POLR2M: variants seen among roughly 807,000 people sequenced by gnomAD.
POLR2M encodes the protein RNA polymerase II subunit M, also known as protein GRINL1A.
POLR2M carries 30 observed loss-of-function variants against 34.6 expected under a neutral mutation model. That is an observed-to-expected ratio of 0.87 (90% CI 0.65 to 1.18). POLR2M has a LOEUF of 1.18. Ranked by LOEUF, POLR2M falls within the 50% of genes most tolerant of loss-of-function variation. POLR2M has a pLI of 0.00. For missense variants in POLR2M, 432 were observed against 448.7 expected (o/e 0.96, Z 0.34); for synonymous variants, 150 against 166.7 (o/e 0.90, Z 0.77).
chr15:57,709,442 G>T, intron 2 of POLR2M, 84 bp downstream of exon 2: 3 of 1,489,922 alleles, frequency 2.0e-6, no homozygotes, highest in Middle Eastern at 1.8e-4. Flanking sequence ...GTGTGGTGGT[G>T]CTTGCCTGTA....
chr15:57,713,843 TTTTTTTTTTTTTTTTTGA>T, intron 3 of POLR2M, among the ~76,000 whole-genome samples: 1 of 108,668 alleles, frequency 9.2e-6, no homozygotes, highest in South Asian at 3.2e-4. Context: ...TTTTTTTTTT[TTTTTTTTTTTTTTTTTGA>T]GACGGAGTCT....
intron 1 of POLR2M, among the ~76,000 whole-genome samples, chr15:57,708,069 A>T (rs2040563605): frequency 2.0e-5 from 3 of 152,242 alleles, no homozygotes; most frequent in Admixed American, 2.0e-4. Context: ...ATAGGTTTTG[A>T]ATGTATAGCA....
rs1299235632 is a variant in POLR2M at position 57,709,028 on chromosome 15, C to G, written c.428C>G (p.Thr143Ser). The change falls in exon 2 of 4, where the codon ACT (threonine) becomes AGT (serine). Residue 143 changes from threonine to serine, a missense_variant. Thr to Ser is a moderately conservative substitution (Grantham distance 58, BLOSUM62 1). Transcript: ENST00000299638. The stretch of plus-strand genomic sequence containing the variant: ...CCTACTCTTGAAGGTGATGAAGAGA[C>G]TTCAGAGGTTGAGTACACAGTGAAT... ...GRPTLEGDEE[T>S]SEVEYTVNKG... 17 of 1,613,888 alleles carry G rather than the reference C, an allele frequency of 1.1e-5. No individual in the cohort carries two copies. The highest frequency in any genetic ancestry group is 1.4e-5 in the Non-Finnish European group (17 of 1,179,944).
chr15:57,714,944 G>A lies in POLR2M; in HGVS notation c.*265G>A. ...TGGTCTGATATTTTAGTATATAGTA[G>A]AACATACTTTTTTTTTCTTTAAGCC... On this transcript the variant is annotated 3_prime_UTR_variant, in exon 4 of 4. Coordinates refer to ENST00000299638, the MANE Select transcript of POLR2M (RefSeq NM_015532.5). The A allele has an allele frequency of 2.7e-6, 1 of 365,666 alleles. No individual in the cohort carries two copies. The highest frequency in any genetic ancestry group is 5.5e-5 in the East Asian group (1 of 18,056). 22.7% of individuals were successfully genotyped at this position (365,666 alleles called of 1,614,324 possible).
Position 57,716,908 on chromosome 15 carries a change from A to C in POLR2M, c.*2229A>C, listed in dbSNP as rs2040969475. 1 of 152,134 alleles carries C rather than the reference A, an allele frequency of 6.6e-6. No homozygotes were observed. The highest frequency in any genetic ancestry group is 1.5e-5 in the Non-Finnish European group (1 of 68,022). The allele number at this position is 152,134 out of a possible 1,614,324, so 9.4% of individuals were successfully genotyped here. A position where few individuals can be genotyped will look rare whatever the true frequency, so the allele number is the denominator to read the frequency against. On this transcript the variant is annotated 3_prime_UTR_variant, in exon 4 of 4. Coordinates refer to ENST00000299638, the MANE Select transcript of POLR2M (RefSeq NM_015532.5). Reference sequence around the variant, plus strand: ...TGGATAAATGTCCTTATTTTCTTCTAGTATTTTCTTATTTCACTTTTACAC... The same window carrying C: ...TGGATAAATGTCCTTATTTTCTTCTCGTATTTTCTTATTTCACTTTTACAC...
At position 57,710,071 on chromosome 15, in the gene POLR2M, A is replaced by C. The variant is rs140684280; in HGVS notation, c.758+713A>C. On this transcript the variant is annotated intron_variant, in intron 2 of 3. Coordinates refer to ENST00000299638, the MANE Select transcript of POLR2M (RefSeq NM_015532.5). ...GTATACATGTGTAATGTAATACAAT[A>C]CCATGTTCTTCAAGGAGTTTAAGAG... Among the ~76,000 whole-genome samples, 39 of 152,350 alleles carry C rather than the reference A, an allele frequency of 2.6e-4. No homozygotes were observed. In the East Asian group the frequency reaches 6.9e-3, roughly 27 times the overall value.
chr15:57,707,375 A>T, intron 1 of POLR2M: 1 of 697,552 alleles, frequency 1.4e-6, no homozygotes, highest in South Asian at 1.5e-5. Flanking sequence ...AGAGGGGTTT[A>T]TTAGGCCGGG....
chr15:57,713,001 G>A (rs780117199), intron 3 of POLR2M, among the ~76,000 whole-genome samples: 2 of 152,108 alleles, frequency 1.3e-5, no homozygotes, highest in African/African-American at 2.4e-5. Context: ...AGGAGTTCGA[G>A]ACCAGCGTGG....
rs1262537315 is a variant in POLR2M at position 57,717,239 on chromosome 15, A to G, written c.*2560A>G. ...ATAATTATCGCTTTAATTGGTGTTA[A>G]TATTTGGTAGTACACAGGTTCTCCC... On this transcript the variant is annotated 3_prime_UTR_variant, in exon 4 of 4. Transcript: ENST00000299638. 6.6e-6 allele frequency: 1 copy of G among 152,166 alleles called. No homozygotes were observed. The highest frequency in any genetic ancestry group is 1.5e-5 in the Non-Finnish European group (1 of 68,024). The allele number at this position is 152,166 out of a possible 1,614,324, so 9.4% of individuals were successfully genotyped here.
At position 57,712,096 on chromosome 15, in the gene POLR2M, G is replaced by C. The variant is rs752957846; in HGVS notation, c.871G>C (p.Ala291Pro). 1.2e-6 allele frequency: 2 copies of C among 1,614,132 alleles called. No individual in the cohort carries two copies. ...DKQHLDDITAARLLPLHHMPT... is the reference protein window; with the variant it reads ...DKQHLDDITAPRLLPLHHMPT... ...GCAGCATCTTGATGACATCACAGCA[G>C]CTCGGCTTCTACCACTTCACCATAT... Residue 291 changes from alanine to proline, a missense_variant, in exon 3 of 4, where the codon GCT becomes CCT. By Grantham distance (27) the Ala-to-Pro change is conservative. Coordinates refer to ENST00000299638, the MANE Select transcript of POLR2M (RefSeq NM_015532.5).
At chr15:57,709,774 G>A (rs2040638013) in intron 2 of POLR2M, among the ~76,000 whole-genome samples, 1 of 152,108 alleles carries the variant, frequency 6.6e-6, no homozygotes, top group East Asian at 1.9e-4. Context: ...ACACAGAGTT[G>A]GAGAGAATTT....
In POLR2M at chr15:57,706,743, C is replaced by G; in HGVS notation, c.-100C>G. The G allele has an allele frequency of 7.4e-7, 1 of 1,347,838 alleles. No homozygotes were observed. Among genetic ancestry groups the G allele is most frequent in the Non-Finnish European group, 1.0e-6 (1 of 991,010 alleles). 83.5% of individuals were successfully genotyped at this position (1,347,838 alleles called of 1,614,324 possible). ...TTCCGGGAAAATGGCGACTCCCGCT[C>G]GTGCCCCGGAGTCACCGCCGTCCGC... is the stretch of plus-strand genomic sequence containing the variant. On this transcript the variant is annotated 5_prime_UTR_variant, in exon 1 of 4. Coordinates refer to ENST00000299638, the MANE Select transcript of POLR2M (RefSeq NM_015532.5).
chr15:57,714,811 A>G lies in POLR2M; in HGVS notation c.*132A>G. 7.0e-7 allele frequency: 1 copy of G among 1,434,312 alleles called. No homozygotes were observed. The highest frequency in any genetic ancestry group is 1.4e-5 in the African/African-American group (1 of 68,982). 88.8% of individuals were successfully genotyped at this position (1,434,312 alleles called of 1,614,324 possible). On this transcript the variant is annotated 3_prime_UTR_variant, in exon 4 of 4. Coordinates refer to ENST00000299638, the MANE Select transcript of POLR2M (RefSeq NM_015532.5). ...AAGTTACACAAAGGTAGTTATAAAA[A>G]AAGCCCAGTTTGTCTTTCAGAAGGT...
In POLR2M at chr15:57,711,996, A is replaced by G. The variant is rs763997189; in HGVS notation, c.771A>G (p.Arg257=). 3.1e-6 allele frequency: 5 copies of G among 1,614,002 alleles called. No individual in the cohort carries two copies. In the East Asian group the frequency reaches 1.1e-4, roughly 36 times the overall value. ...RKFKTNVLPF[R]QNDSSSHCQK... ...TTCCTTTCATCAGGTTACCTTTTCG[A>G]CAAAATGATTCATCTAGTCATTGCC... The change falls in exon 3 of 4, where the codon CGA becomes CGG. Residue 257 remains arginine, a synonymous_variant. Transcript: ENST00000299638.
At chr15:57,709,448 C>A in intron 2 of POLR2M, 90 bp downstream of exon 2, 8 of 1,462,654 alleles carry the variant, frequency 5.5e-6, no homozygotes, top group Non-Finnish European at 7.4e-6. Flanking sequence ...TGGTGCTTGC[C>A]TGTAGTCCCA....
chr15:57,715,552 T>C lies in POLR2M; in HGVS notation c.*873T>C, dbSNP rs1176577538. On this transcript the variant is annotated 3_prime_UTR_variant, in exon 4 of 4. Transcript: ENST00000299638. ...CTTGCTGTCACAGATGATAGGTTCATGTACACAACATTAATGTTTGATAAG... is the reference window on the plus strand; with the variant it reads ...CTTGCTGTCACAGATGATAGGTTCACGTACACAACATTAATGTTTGATAAG... 1 of 152,202 alleles carries C rather than the reference T, an allele frequency of 6.6e-6. No individual in the cohort carries two copies. Among genetic ancestry groups the C allele is most frequent in the Non-Finnish European group, 1.5e-5 (1 of 68,034 alleles). The allele number at this position is 152,202 out of a possible 1,614,324, so 9.4% of individuals were successfully genotyped here.
At chr15:57,712,904 A>G (rs1387548593) in intron 3 of POLR2M, among the ~76,000 whole-genome samples, 2 of 152,186 alleles carry the variant, frequency 1.3e-5, no homozygotes, top group Non-Finnish European at 2.9e-5. Flanking sequence ...CTCCAGGAGA[A>G]CAGTATCCTG....
chr15:57,709,169 A>G lies in POLR2M; in HGVS notation c.569A>G (p.Asn190Ser), dbSNP rs757935023. Residue 190 changes from asparagine to serine, a missense_variant, in exon 2 of 4, where the codon AAC (asparagine) becomes AGC (serine). Physicochemically the swap from Asn to Ser is conservative, Grantham distance 46. Coordinates refer to ENST00000299638, the MANE Select transcript of POLR2M (RefSeq NM_015532.5). ...QAEDTSSSFDNLFIDRLQRIT... is the reference protein window; with the variant it reads ...QAEDTSSSFDSLFIDRLQRIT... ...GAAGATACTTCCAGCAGCTTTGACA[A>G]CCTGTTTATTGACAGGTTACAGAGG... is the stretch of plus-strand genomic sequence containing the variant. 9.9e-6 allele frequency: 16 copies of G among 1,614,206 alleles called. No individual in the cohort carries two copies. The highest frequency in any genetic ancestry group is 1.6e-4 in the Middle Eastern group (1 of 6,062).
chr15:57,716,071 C>T lies in POLR2M; in HGVS notation c.*1392C>T, dbSNP rs1174610406. 6.6e-6 allele frequency: 1 copy of T among 152,292 alleles called. No individual in the cohort carries two copies. The highest frequency in any genetic ancestry group is 1.5e-5 in the Non-Finnish European group (1 of 68,060). 9.4% of individuals were successfully genotyped at this position (152,292 alleles called of 1,614,324 possible). ...AGTTCATGTGCCTGGACACACAGTT[C>T]CCTGTAATCCTGCCATCTAGGGAGA... On this transcript the variant is annotated 3_prime_UTR_variant, in exon 4 of 4. Transcript: ENST00000299638.
Sources: gnomAD v4.1 joint callset for allele counts (sites outside exome capture counted in the v4.1 genomes callset) on GRCh38, gnomAD v4.1.1 for gene constraint, MANE v1.5 for transcripts, NCBI Gene and HGNC (gene_info 2026-07-23, HGNC 2026-07-21) for gene names.